The following ABCA8 variants were observed in gnomAD, a reference collection of about 807,000 sequenced individuals.
ABCA8 encodes the protein ATP binding cassette subfamily A member 8, also known as ABC-type organic anion transporter ABCA8.
A neutral mutation model predicts 192.3 loss-of-function variants in ABCA8; 177 were observed. The observed-to-expected ratio is 0.92, with a 90% CI of 0.81 to 1.04. The LOEUF (loss-of-function observed/expected upper bound fraction) is 1.04. ABCA8 is among the 50% of genes least tolerant of loss of function. The probability of loss-of-function intolerance (pLI) is 0.00; values close to 1 mark genes in which losing one functional copy is unlikely to be tolerated. For synonymous variants in ABCA8, 642 were observed against 690.2 expected (o/e 0.93, Z 1.09); for missense variants, 1,915 against 1,904.8 (o/e 1.01, Z -0.10).
In ABCA8 at chr17:68,922,192, CTCTTTTTTTTTTTTTTTTTTTTTTTT is replaced by C. The variant is rs2067554564; in HGVS notation, c.1501+24_1501+49del. 1.0e-5 allele frequency: 5 copies of C among 477,762 alleles called. No homozygotes were observed. In the African/African-American group the frequency reaches 1.3e-4, roughly 12 times the overall value. 29.6% of individuals were successfully genotyped at this position (477,762 alleles called of 1,614,324 possible). A position where few individuals can be genotyped will look rare whatever the true frequency, so the allele number is the denominator to read the frequency against. ...TATAACAAATATTTTCTTTCTCTCT[CTCTTTTTTTTTTTTTTTTTTTTTTTT>C]TTTTTTTTTTTTTTTTTTTTTACCT... On this transcript the variant is annotated intron_variant, in intron 12 of 39. Coordinates refer to ENST00000586539, the MANE Select transcript of ABCA8 (RefSeq NM_001288985.2).
In ABCA8 at chr17:68,929,248, AG is replaced by A; in HGVS notation, c.940-15del. Reference sequence around the variant, plus strand: ...AGCCAAAGCTACCTAAAATGAGAGAAGATCTAGTTGGTTTATGTTTCTCTAA... The same window carrying A: ...AGCCAAAGCTACCTAAAATGAGAGAAATCTAGTTGGTTTATGTTTCTCTAA... On this transcript the variant is annotated splice_polypyrimidine_tract_variant and intron_variant, in intron 8 of 39. Transcript: ENST00000586539. 1 of 1,571,318 alleles carries A rather than the reference AG, an allele frequency of 6.4e-7. No individual in the cohort carries two copies. Among genetic ancestry groups the A allele is most frequent in the Non-Finnish European group, 8.6e-7 (1 of 1,160,666 alleles).
chr17:68,881,335 C>T, intron 31 of ABCA8, 124 bp from the exon 32 acceptor site: 1 of 693,822 alleles, frequency 1.4e-6, no homozygotes, highest in Non-Finnish European at 2.4e-6. Flanking sequence ...TCACAACCAC[C>T]CTGAGAAGTT....
chr17:68,899,962 G>C (rs191911359), intron 21 of ABCA8, among the ~76,000 whole-genome samples: 27 of 152,186 alleles, frequency 1.8e-4, no homozygotes, highest in Admixed American at 1.8e-3. Context: ...TAGCTTAGAG[G>C]GACGTTTATA....
Position 68,888,566 on chromosome 17 carries a change from T to A in ABCA8, c.3145-1060A>T, listed in dbSNP as rs117808416. On this transcript the variant is annotated intron_variant, in intron 24 of 39. Coordinates refer to ENST00000586539, the MANE Select transcript of ABCA8 (RefSeq NM_001288985.2). ...AACATATTAGAGGCAAGAGAAGAAT[T>A]GAGGATAATTTTTGGATCTTTAGGA... Among the ~76,000 whole-genome samples, 4 of 152,206 alleles carry A rather than the reference T, an allele frequency of 2.6e-5. No homozygotes were observed. In the South Asian group the frequency reaches 8.3e-4, roughly 32 times the overall value.
chr17:68,929,449 C>T, intron 8 of ABCA8, 112 bp downstream of exon 8: 1 of 1,295,732 alleles, frequency 7.7e-7, no homozygotes, highest in Non-Finnish European at 1.1e-6. Context: ...ATAGATTTTT[C>T]ACATGCAAAC....
chr17:68,922,388 T>C (rs1598264778), intron 11 of ABCA8, 88 bp from the exon 12 acceptor site: 10 of 928,330 alleles, frequency 1.1e-5, no homozygotes, highest in Non-Finnish European at 1.3e-5. Flanking sequence ...AAATCTTAAC[T>C]TCAGGATACA....
intron 19 of ABCA8, 114 bp from the exon 20 acceptor site, chr17:68,903,613 G>T: frequency 1.1e-6 from 1 of 897,816 alleles, no homozygotes; most frequent in Non-Finnish European, 1.7e-6. Flanking sequence ...GTATAACGTG[G>T]TTTTGCTGGT....
chr17:68,945,251 T>C (rs559428908), intron 2 of ABCA8, among the ~76,000 whole-genome samples: 1 of 152,334 alleles, frequency 6.6e-6, no homozygotes, highest in South Asian at 2.1e-4. Context: ...GTCTGTTGTC[T>C]TGTTTTTCAT....
intron 4 of ABCA8, among the ~76,000 whole-genome samples, chr17:68,938,484 A>T (rs1366082101): frequency 6.6e-6 from 1 of 152,204 alleles, no homozygotes; most frequent in Non-Finnish European, 1.5e-5. Flanking sequence ...AGCAAGATGC[A>T]TAGGTTCTCC....
chr17:68,933,411 T>C, intron 5 of ABCA8, 140 bp from the exon 6 acceptor site: 1 of 578,748 alleles, frequency 1.7e-6, no homozygotes, highest in East Asian at 2.9e-5. Flanking sequence ...TCAAAGCTTA[T>C]GAAAACATAA....
chr17:68,878,744 A>T (rs2066267237), intron 32 of ABCA8: 1 of 152,242 alleles, frequency 6.6e-6, no homozygotes, highest in Non-Finnish European at 1.5e-5. Flanking sequence ...TCCATGATTG[A>T]AGTTAAGGAC....
chr17:68,938,027 G>A (rs2068116851), intron 4 of ABCA8, among the ~76,000 whole-genome samples: 1 of 152,112 alleles, frequency 6.6e-6, no homozygotes, highest in African/African-American at 2.4e-5. Flanking sequence ...AGAAGCACAA[G>A]TTCCTGACAT....
At position 68,875,283 on chromosome 17, in the gene ABCA8, G is replaced by C. The variant is rs1387594726; in HGVS notation, c.4608C>G (p.Phe1536Leu). The stretch of plus-strand genomic sequence containing the variant: ...ACCTTTCCTGCCGAGCAGCCTGGGG[G>C]AAAAGCCTCAGGATCTCTGCATGGA... ...EPLHAEILRL[F>L]PQAARQERYS... The change falls in exon 37 of 40, where the codon TTC becomes TTG. Residue 1536 changes from phenylalanine (F) to leucine (L), a missense_variant. Physicochemically the swap from Phe to Leu is conservative, Grantham distance 22 (BLOSUM62 0). Coordinates refer to ENST00000586539, the MANE Select transcript of ABCA8 (RefSeq NM_001288985.2). 6.2e-7 allele frequency: 1 copy of C among 1,613,946 alleles called. No homozygotes were observed. The highest frequency in any genetic ancestry group is 2.2e-5 in the East Asian group (1 of 44,886).
Position 68,889,820 on chromosome 17 carries a change from G to A in ABCA8, c.3144+1669C>T, listed in dbSNP as rs1458615117. On this transcript the variant is annotated intron_variant, in intron 24 of 39. Coordinates refer to ENST00000586539, the MANE Select transcript of ABCA8 (RefSeq NM_001288985.2). ...TAATTAAAGGTACCTAATTATTTGT[G>A]GTTATCATTCCCTCAGTGTAATGGT... Among the ~76,000 whole-genome samples, 3 of 152,098 alleles carry A rather than the reference G, an allele frequency of 2.0e-5. No individual in the cohort carries two copies. The East Asian group carries it at 5.8e-4, about 29-fold the overall frequency.
At chr17:68,916,287 T>C (rs756745186) in intron 17 of ABCA8, among the ~76,000 whole-genome samples, 15 of 152,220 alleles carry the variant, frequency 9.9e-5, no homozygotes, top group Non-Finnish European at 1.6e-4. Context: ...TTATTACATG[T>C]ACAATATATT....
chr17:68,894,847 AT>A, intron 22 of ABCA8, 32 bp downstream of exon 22: 2 of 1,588,504 alleles, frequency 1.3e-6, no homozygotes, highest in South Asian at 1.2e-5. Flanking sequence ...AGCTTTTCAC[AT>A]TTTTCAGAAA....
intron 37 of ABCA8, among the ~76,000 whole-genome samples, chr17:68,871,770 A>T (rs1417423087): frequency 6.6e-6 from 1 of 152,160 alleles, no homozygotes; most frequent in Non-Finnish European, 1.5e-5. Flanking sequence ...ATAGCATAAC[A>T]TATTACTTAT....
chr17:68,875,614 C>T lies in ABCA8; in HGVS notation c.4490G>A (p.Arg1497Lys), dbSNP rs570874295. Reference protein sequence around the residue: ...RVAIMVSGRLRCIGSIQHLKS... With the variant: ...RVAIMVSGRLKCIGSIQHLKS... ...GTGTGGGTCCAGGACAGGCACTCAC[C>T]TCAACCTCCCAGATACCATGATGGC... Residue 1497 changes from arginine (R) to lysine (K), a missense_variant and splice_region_variant, in exon 36 of 40, where the codon AGA (arginine) becomes AAA (lysine). Arg to Lys is a conservative substitution (Grantham distance 26). Coordinates refer to ENST00000586539, the MANE Select transcript of ABCA8 (RefSeq NM_001288985.2). 2.2e-5 allele frequency: 36 copies of T among 1,613,908 alleles called. No homozygotes were observed. Among genetic ancestry groups the T allele is most frequent in the Admixed American group, 1.8e-4 (11 of 59,986 alleles).
At chr17:68,905,542 C>A (rs2067043019) in intron 19 of ABCA8, among the ~76,000 whole-genome samples, 1 of 151,620 alleles carries the variant, frequency 6.6e-6, no homozygotes, top group Non-Finnish European at 1.5e-5. Flanking sequence ...ACAGTCTGAA[C>A]ACAAGAGAAT....
Sources: allele counts gnomAD v4.1 joint callset (sites outside exome capture counted in the v4.1 genomes callset), GRCh38; gene constraint gnomAD v4.1.1; transcripts MANE v1.5; gene names NCBI Gene and HGNC (gene_info 2026-07-23, HGNC 2026-07-21).